The following CIROZ variants were observed in gnomAD, a reference collection of about 807,000 sequenced individuals.
CIROZ encodes the protein ciliated left-right organizer protein containing ZP-N domains.
At chr1:10,960,277 G>C in the CIROZ span, among the ~76,000 whole-genome samples, 1 of 152,004 alleles carries the variant, frequency 6.6e-6, no homozygotes, top group Non-Finnish European at 1.5e-5. This position sits in a 1 kb window ranked among gnomAD's most constrained non-coding sequence, Gnocchi z 4.6. Context: ...GGTGGCAGGC[G>C]CCTGTAGTCC....
the CIROZ span, among the ~76,000 whole-genome samples, chr1:10,950,510 G>C: frequency 1.3e-5 from 2 of 152,166 alleles, no homozygotes; most frequent in Non-Finnish European, 1.5e-5. Context: ...AGTGCTCCCT[G>C]CCTGACCACC....
the CIROZ span, chr1:10,948,946 C>A: frequency 8.4e-7 from 1 of 1,184,716 alleles, no homozygotes; most frequent in Non-Finnish European, 1.1e-6. Flanking sequence ...TTCGAGGGAC[C>A]GGGTGCGGTG....
the CIROZ span, among the ~76,000 whole-genome samples, chr1:10,975,349 G>A: frequency 6.7e-6 from 1 of 149,956 alleles, no homozygotes; most frequent in African/African-American, 2.4e-5. Context: ...AGGTTGTGGT[G>A]AGCCGAAGTT....
the CIROZ span, among the ~76,000 whole-genome samples, chr1:10,981,783 G>A: frequency 1.3e-5 from 2 of 152,202 alleles, no homozygotes; most frequent in Admixed American, 1.3e-4. Context: ...TCCAGAACAA[G>A]GGATGACAGG....
chr1:10,967,541 A>C, the CIROZ span, among the ~76,000 whole-genome samples: 2 of 152,248 alleles, frequency 1.3e-5, no homozygotes, highest in South Asian at 2.1e-4. Context: ...TTACTGGCTT[A>C]TTTGTTATAT....
the CIROZ span, among the ~76,000 whole-genome samples, chr1:10,972,059 C>T: frequency 6.6e-6 from 1 of 152,214 alleles, no homozygotes; most frequent in Non-Finnish European, 1.5e-5. Flanking sequence ...TCCACAGAGG[C>T]GTGCTAAATA....
chr1:10,965,396 G>A, the CIROZ span, among the ~76,000 whole-genome samples: 1 of 152,172 alleles, frequency 6.6e-6, no homozygotes, highest in East Asian at 1.9e-4. Context: ...CTGTGCGGCT[G>A]GTTGTCCCCT....
At chr1:10,974,182 T>C in the CIROZ span, among the ~76,000 whole-genome samples, 47,334 of 151,876 alleles carry the variant, frequency 0.31, 8,724 homozygotes, top group African/African-American at 0.52. The surrounding 1 kb of genome is among the most constrained non-coding windows in gnomAD (Gnocchi z 4.4). Context: ...GCCAGTCCCC[T>C]GGACTGGAGT....
chr1:10,952,600 G>A, the CIROZ span, among the ~76,000 whole-genome samples: 2 of 152,178 alleles, frequency 1.3e-5, no homozygotes, highest in Non-Finnish European at 2.9e-5. Context: ...CACAATCTCA[G>A]CTCACTGCAA....
the CIROZ span, among the ~76,000 whole-genome samples, chr1:10,961,011 C>T: frequency 6.6e-6 from 1 of 152,298 alleles, no homozygotes; most frequent in Admixed American, 6.5e-5. Context: ...CCCCCCCACC[C>T]ACCTGCTCCC....
At chr1:10,958,346 C>T in the CIROZ span, among the ~76,000 whole-genome samples, 12 of 152,278 alleles carry the variant, frequency 7.9e-5, no homozygotes, top group African/African-American at 2.9e-4. Context: ...AAGGAAAATT[C>T]GGGAAACACC....
chr1:10,967,709 C>G, the CIROZ span, among the ~76,000 whole-genome samples: 1 of 152,168 alleles, frequency 6.6e-6, no homozygotes, highest in African/African-American at 2.4e-5. Context: ...CGGTGGCTCA[C>G]ACCTATAATC....
chr1:10,949,617 G>A, the CIROZ span: 21 of 1,597,558 alleles, frequency 1.3e-5, no homozygotes, highest in African/African-American at 1.7e-4. Context: ...TGCAGCCATA[G>A]ACGTGCTTTG....
the CIROZ span, among the ~76,000 whole-genome samples, chr1:10,952,554 G>A: frequency 6.6e-6 from 1 of 152,048 alleles, no homozygotes; most frequent in South Asian, 2.1e-4. Flanking sequence ...GTTTTGAGAC[G>A]AGTCTTGCTC....
At chr1:10,954,683 T>C in the CIROZ span, among the ~76,000 whole-genome samples, 1 of 152,148 alleles carries the variant, frequency 6.6e-6, no homozygotes, top group Admixed American at 6.5e-5. Flanking sequence ...TCCCATTGCC[T>C]AGGCAGGAGT....
the CIROZ span, among the ~76,000 whole-genome samples, chr1:10,980,113 C>T: frequency 1.3e-5 from 2 of 152,240 alleles, no homozygotes; most frequent in Non-Finnish European, 2.9e-5. Context: ...ATGGGTGCTG[C>T]ATTTCCTTCT....
chr1:10,972,459 ACACACACT>A, the CIROZ span, among the ~76,000 whole-genome samples: 9 of 149,910 alleles, frequency 6.0e-5, no homozygotes, highest in African/African-American at 2.2e-4. Context: ...ACACACACAC[ACACACACT>A]CTAGAATTAT....
At chr1:10,949,622 G>A in the CIROZ span, 68,682 of 1,598,944 alleles carry the variant, frequency 0.043, 2,466 homozygotes, top group African/African-American at 0.19. Flanking sequence ...CCATAGACGT[G>A]CTTTGGCCAG....
the CIROZ span, among the ~76,000 whole-genome samples, chr1:10,957,382 C>T: frequency 2.0e-5 from 3 of 152,238 alleles, no homozygotes; most frequent in East Asian, 1.9e-4. Flanking sequence ...ACGGTAATTA[C>T]GCTCCTGCCG....
Sources: gnomAD v4.1 joint callset for allele counts (sites outside exome capture counted in the v4.1 genomes callset) on GRCh38, gnomAD v4.1.1 for gene constraint, Gnocchi (gnomAD v3.1) non-coding constraint, MANE v1.5 for transcripts, NCBI Gene and HGNC (gene_info 2026-07-23, HGNC 2026-07-21) for gene names.